ZDHHC20: variants seen among roughly 807,000 people sequenced by gnomAD.
ZDHHC20 encodes the protein zDHHC palmitoyltransferase 20.
A neutral mutation model predicts 57.8 loss-of-function variants in ZDHHC20; 43 were observed. The ratio of observed to expected loss-of-function variants is 0.74; its 90% confidence interval spans 0.58 to 0.96. ZDHHC20 has a LOEUF of 0.96. Ranked by LOEUF, ZDHHC20 falls within the 40% of genes least tolerant of loss-of-function variation. The pLI, the probability that ZDHHC20 is intolerant of heterozygous loss-of-function variation, is 0.00. For missense variants in ZDHHC20, 391 were observed against 441.1 expected (o/e 0.89, Z 1.02); for synonymous variants, 157 against 153.0 (o/e 1.03, Z -0.19).
At chr13:21,445,941 C>T (rs898406335) in intron 1 of ZDHHC20, among the ~76,000 whole-genome samples, 5 of 152,124 alleles carry the variant, frequency 3.3e-5, no homozygotes, top group African/African-American at 7.2e-5. Flanking sequence ...GAGAGCTAGC[C>T]ATGCGGAAAT....
At chr13:21,421,309 T>C (rs1349661557) in intron 2 of ZDHHC20, 145 bp from the exon 3 acceptor site, 1 of 657,826 alleles carries the variant, frequency 1.5e-6, no homozygotes, top group East Asian at 2.8e-5. Context: ...TATATAAACT[T>C]TACTTGCATG....
intron 8 of ZDHHC20, among the ~76,000 whole-genome samples, chr13:21,389,575 A>G (rs983112564): frequency 1.3e-5 from 2 of 152,214 alleles, no homozygotes; most frequent in Non-Finnish European, 2.9e-5. Flanking sequence ...CACCGGCAAA[A>G]AAAAGTTTGA....
At chr13:21,455,875 T>C (rs1884884765) in intron 1 of ZDHHC20, among the ~76,000 whole-genome samples, 1 of 152,138 alleles carries the variant, frequency 6.6e-6, no homozygotes, top group Non-Finnish European at 1.5e-5. Context: ...GCCCTGAGTG[T>C]CCAGATCTGG....
intron 8 of ZDHHC20, chr13:21,390,114 T>C (rs1245523581): frequency 1.3e-5 from 2 of 152,176 alleles, no homozygotes; most frequent in Non-Finnish European, 1.5e-5. Context: ...GTTAAAATGA[T>C]CCAATAACTA....
intron 1 of ZDHHC20, among the ~76,000 whole-genome samples, chr13:21,442,040 G>A (rs569819023): frequency 7.2e-5 from 11 of 152,114 alleles, no homozygotes; most frequent in East Asian, 3.9e-4. Flanking sequence ...TTTTGTTTAC[G>A]TTAGGTATCA....
Position 21,407,404 on chromosome 13 carries a change from T to C in ZDHHC20, c.371-4538A>G, listed in dbSNP as rs188278801. On this transcript the variant is annotated intron_variant, in intron 4 of 12. Transcript: ENST00000400590. ...CAGTGATAATGAGCTTTTTAAAATATGTTTGTTGGTCACATAAATGTCTTC... is the reference window on the plus strand; with the variant it reads ...CAGTGATAATGAGCTTTTTAAAATACGTTTGTTGGTCACATAAATGTCTTC... 2.1e-3 allele frequency among the ~76,000 whole-genome samples: 327 copies of C among 152,354 alleles called. 1 individual carries two copies. Among genetic ancestry groups the C allele is most frequent in the Non-Finnish European group, 1.9e-3 (131 of 68,036 alleles).
chr13:21,387,762 AC>A, intron 8 of ZDHHC20, 128 bp from the exon 9 acceptor site: 1 of 467,938 alleles, frequency 2.1e-6, no homozygotes, highest in Non-Finnish European at 3.5e-6. Flanking sequence ...AATAAATAAT[AC>A]ATTAGTAGCA....
At position 21,426,226 on chromosome 13, in the gene ZDHHC20, C is replaced by G. The variant is rs535707798; in HGVS notation, c.119-548G>C. ...CTACCTCTCTTATGTTTTCTTCCAC[C>G]TTGTATTACTATTGTGATGAATAAA... On this transcript the variant is annotated intron_variant, in intron 1 of 12. Coordinates refer to ENST00000400590, the MANE Select transcript of ZDHHC20 (RefSeq NM_001330059.2). Among the ~76,000 whole-genome samples the G allele has an allele frequency of 5.3e-5, 8 of 152,296 alleles. 1 individual carries two copies. In the South Asian group the frequency reaches 1.7e-3, roughly 32 times the overall value.
At chr13:21,388,934 G>T (rs189051105) in intron 8 of ZDHHC20, among the ~76,000 whole-genome samples, 106 of 152,258 alleles carry the variant, frequency 7.0e-4, no homozygotes, top group Admixed American at 1.5e-3. Flanking sequence ...ATGGACATGG[G>T]TGAGAAATAA....
chr13:21,414,582 A>G (rs994456991), intron 3 of ZDHHC20, among the ~76,000 whole-genome samples: 12 of 139,960 alleles, frequency 8.6e-5, no homozygotes, highest in Admixed American at 1.6e-4. Flanking sequence ...CGTGTTAGCC[A>G]GGATGGTCTC....
intron 7 of ZDHHC20, among the ~76,000 whole-genome samples, chr13:21,396,884 G>C (rs182568520): frequency 3.3e-5 from 5 of 151,772 alleles, no homozygotes; most frequent in Admixed American, 2.0e-4. Flanking sequence ...AAAAGCATTT[G>C]CAACCCATGA....
chr13:21,455,082 G>A (rs1184972238), intron 1 of ZDHHC20, among the ~76,000 whole-genome samples: 1 of 152,046 alleles, frequency 6.6e-6, no homozygotes, highest in African/African-American at 2.4e-5. Flanking sequence ...CACCACACTC[G>A]GCTAATTTTT....
At chr13:21,408,619 A>G (rs1401736299) in intron 4 of ZDHHC20, among the ~76,000 whole-genome samples, 1 of 152,076 alleles carries the variant, frequency 6.6e-6, no homozygotes, top group African/African-American at 2.4e-5. Context: ...CTCTTGCCTT[A>G]TTGCCTTAGC....
At chr13:21,406,714 T>C (rs551483965) in intron 4 of ZDHHC20, among the ~76,000 whole-genome samples, 7 of 152,220 alleles carry the variant, frequency 4.6e-5, no homozygotes, top group Non-Finnish European at 1.0e-4. Flanking sequence ...GGACATGAAC[T>C]CATTCTTTTT....
intron 9 of ZDHHC20, among the ~76,000 whole-genome samples, chr13:21,385,505 T>C (rs1482239141): frequency 6.6e-6 from 1 of 152,156 alleles, no homozygotes; most frequent in Non-Finnish European, 1.5e-5. Flanking sequence ...CTAGACATTA[T>C]AGAAGAGATC....
intron 8 of ZDHHC20, among the ~76,000 whole-genome samples, chr13:21,388,323 A>G (rs1312648460): frequency 2.0e-5 from 3 of 152,210 alleles, no homozygotes; most frequent in Non-Finnish European, 4.4e-5. Context: ...TAAGCTAAGG[A>G]TAAGAACCCA....
chr13:21,375,849 T>C lies in ZDHHC20; in HGVS notation c.*847A>G, dbSNP rs560048816. 4 of 152,410 alleles carry C rather than the reference T, an allele frequency of 2.6e-5. No individual in the cohort carries two copies. Among genetic ancestry groups the C allele is most frequent in the Non-Finnish European group, 5.9e-5 (4 of 68,068 alleles). The allele number at this position is 152,410 out of a possible 1,614,324, so 9.4% of individuals were successfully genotyped here. A position where few individuals can be genotyped will look rare whatever the true frequency, so the allele number is the denominator to read the frequency against. ...TCTTAGATTTTCTTCTGGACACCTA[T>C]ACTTCTTCCTACTGTGTCCAGTATT... On this transcript the variant is annotated 3_prime_UTR_variant, in exon 13 of 13. Coordinates refer to ENST00000400590, the MANE Select transcript of ZDHHC20 (RefSeq NM_001330059.2).
intron 2 of ZDHHC20, 69 bp from the exon 3 acceptor site, chr13:21,421,233 C>T: frequency 1.6e-6 from 2 of 1,264,846 alleles, no homozygotes; most frequent in Non-Finnish European, 1.1e-6. Context: ...TACATTAAAA[C>T]ACAATAATTG....
intron 1 of ZDHHC20, among the ~76,000 whole-genome samples, chr13:21,434,392 C>A (rs1374622720): frequency 1.3e-5 from 2 of 152,132 alleles, no homozygotes; most frequent in East Asian, 1.9e-4. Flanking sequence ...TTCATATATT[C>A]TCTCTCCATT....
Sources: gnomAD v4.1 joint callset for allele counts (sites outside exome capture counted in the v4.1 genomes callset) on GRCh38, gnomAD v4.1.1 for gene constraint, MANE v1.5 for transcripts, NCBI Gene and HGNC (gene_info 2026-07-23, HGNC 2026-07-21) for gene names.